Variants in ERC2 observed in about 807,000 individuals in gnomAD.
ERC2 encodes ERC protein 2.
Under a neutral mutation model 114.8 loss-of-function variants are expected in ERC2, and 42 were observed. That is an observed-to-expected ratio of 0.37 (90% CI 0.29 to 0.47). ERC2 has a LOEUF of 0.47. Ranked by LOEUF, ERC2 falls within the 20% of genes least tolerant of loss-of-function variation. ERC2 has a pLI of 0.99. For missense variants in ERC2, 939 were observed against 1,150.7 expected (o/e 0.82, Z 2.66); for synonymous variants, 454 against 425.5 (o/e 1.07, Z -0.82).
At chr3:55,739,532 AT>A (rs2065855071) in intron 14 of ERC2, among the ~76,000 whole-genome samples, 1 of 152,018 alleles carries the variant, frequency 6.6e-6, no homozygotes, top group South Asian at 2.1e-4. Context: ...TTTTTTGAAT[AT>A]GTTTGTTGGC....
intron 4 of ERC2, among the ~76,000 whole-genome samples, chr3:56,150,136 T>C (rs997337116): frequency 2.0e-5 from 3 of 152,208 alleles, no homozygotes; most frequent in African/African-American, 7.2e-5. Context: ...AATGTATAAC[T>C]GAATGCTAAT....
chr3:55,568,833 C>T (rs777776525), intron 17 of ERC2, among the ~76,000 whole-genome samples: 1 of 152,154 alleles, frequency 6.6e-6, no homozygotes, highest in Non-Finnish European at 1.5e-5. Context: ...ACCCATGAGA[C>T]CCTACACAGT....
intron 3 of ERC2, among the ~76,000 whole-genome samples, chr3:56,257,141 A>G (rs1163584430): frequency 1.3e-5 from 2 of 151,866 alleles, no homozygotes; most frequent in African/African-American, 4.8e-5. Context: ...AGTGCTACCC[A>G]CCCCCAATCT....
chr3:56,019,165 G>T, intron 7 of ERC2, 134 bp from the exon 8 acceptor site: 1 of 677,966 alleles, frequency 1.5e-6, no homozygotes, highest in Non-Finnish European at 2.4e-6. Flanking sequence ...CTTTGACTTA[G>T]ACAAAAGGCC....
intron 2 of ERC2, among the ~76,000 whole-genome samples, chr3:56,420,446 A>G (rs931872083): frequency 6.6e-6 from 1 of 151,976 alleles, no homozygotes; most frequent in Non-Finnish European, 1.5e-5. Flanking sequence ...ACAAAGTGCT[A>G]GGATTACAGG....
chr3:56,156,950 A>G (rs566662514), intron 4 of ERC2, among the ~76,000 whole-genome samples: 3 of 151,890 alleles, frequency 2.0e-5, no homozygotes, highest in Non-Finnish European at 2.9e-5. Flanking sequence ...ACAACAACAA[A>G]AAAACAATAG....
chr3:56,073,662 C>G (rs1346714667), intron 7 of ERC2, among the ~76,000 whole-genome samples: 1 of 152,166 alleles, frequency 6.6e-6, no homozygotes, highest in African/African-American at 2.4e-5. Flanking sequence ...CTTCCCAGAC[C>G]GTTTCCACTC....
At chr3:56,139,425 G>A in intron 6 of ERC2, 84 bp downstream of exon 6, 2 of 1,366,776 alleles carry the variant, frequency 1.5e-6, no homozygotes, top group Non-Finnish European at 2.0e-6. Context: ...AGGATAAAGG[G>A]TCTTTGGAGG....
At chr3:55,952,170 C>CTATAT (rs1156431343) in intron 12 of ERC2, among the ~76,000 whole-genome samples, 2 of 64,554 alleles carry the variant, frequency 3.1e-5, no homozygotes, top group African/African-American at 1.0e-4. Flanking sequence ...CACACACACA[C>CTATAT]ACACACACAC....
chr3:55,681,351 T>G (rs1204634579), intron 17 of ERC2, among the ~76,000 whole-genome samples: 1 of 152,230 alleles, frequency 6.6e-6, no homozygotes, highest in Non-Finnish European at 1.5e-5. Context: ...TATGAGCATA[T>G]TACTGATGTC....
intron 7 of ERC2, among the ~76,000 whole-genome samples, chr3:56,051,171 G>A (rs2075745043): frequency 6.6e-6 from 1 of 152,084 alleles, no homozygotes; most frequent in African/African-American, 2.4e-5. Context: ...CTGCTTGTTG[G>A]GAAGGAATGC....
At chr3:56,012,832 T>C (rs184009308) in intron 8 of ERC2, among the ~76,000 whole-genome samples, 42 of 152,336 alleles carry the variant, frequency 2.8e-4, no homozygotes, top group Middle Eastern at 3.4e-3. Flanking sequence ...TAATATACCA[T>C]GATGTACTTG....
intron 17 of ERC2, among the ~76,000 whole-genome samples, chr3:55,669,560 A>G (rs764303608): frequency 2.0e-5 from 3 of 152,164 alleles, no homozygotes; most frequent in Non-Finnish European, 4.4e-5. Flanking sequence ...AGTTTCCCCT[A>G]CTTCAAAACA....
At chr3:55,873,094 G>A (rs2062660480) in intron 14 of ERC2, among the ~76,000 whole-genome samples, 1 of 152,144 alleles carries the variant, frequency 6.6e-6, no homozygotes, top group African/African-American at 2.4e-5. Flanking sequence ...AATCTCAACA[G>A]GGCTGCCCTG....
chr3:55,597,877 AGAGTTAGT>A (rs1398775235), intron 17 of ERC2, among the ~76,000 whole-genome samples: 6 of 152,234 alleles, frequency 3.9e-5, no homozygotes, highest in African/African-American at 1.4e-4. Context: ...AATCTCAGTA[AGAGTTAGT>A]GAGTTTGTCA....
chr3:55,842,863 G>A (rs535517827), intron 14 of ERC2, among the ~76,000 whole-genome samples: 62 of 152,238 alleles, frequency 4.1e-4, no homozygotes, highest in Non-Finnish European at 8.4e-4. Flanking sequence ...GAGTTGAGGA[G>A]CTTTAAGAGA....
chr3:56,279,301 G>T (rs920392949), intron 3 of ERC2, among the ~76,000 whole-genome samples: 4 of 152,204 alleles, frequency 2.6e-5, no homozygotes, highest in African/African-American at 9.6e-5. Context: ...TCACAGTCTA[G>T]TGGGAAAGGC....
chr3:56,288,825 A>T (rs143784716), intron 3 of ERC2, among the ~76,000 whole-genome samples: 145 of 152,336 alleles, frequency 9.5e-4, no homozygotes, highest in Non-Finnish European at 1.6e-3. Context: ...AATTCCACAT[A>T]ATCTCAAAAG....
At chr3:55,604,139 T>C (rs867567634) in intron 17 of ERC2, among the ~76,000 whole-genome samples, 1 of 152,140 alleles carries the variant, frequency 6.6e-6, no homozygotes, top group Non-Finnish European at 1.5e-5. Flanking sequence ...TTTGCTAGCA[T>C]TGTGAGGGCA....
Sources: gnomAD v4.1 joint callset for allele counts (sites outside exome capture counted in the v4.1 genomes callset) on GRCh38, gnomAD v4.1.1 for gene constraint, MANE v1.5 for transcripts, NCBI Gene and HGNC (gene_info 2026-07-23, HGNC 2026-07-21) for gene names.